Variants in GEMIN5 observed in about 807,000 individuals in gnomAD.
The protein encoded by GEMIN5 is gem nuclear organelle associated protein 5.
Under a neutral mutation model 176.9 loss-of-function variants are expected in GEMIN5, and 124 were observed. The ratio of observed to expected loss-of-function variants is 0.70; its 90% CI spans 0.61 to 0.81. The LOEUF (loss-of-function observed/expected upper bound fraction) is 0.81, where lower values mean the gene tolerates loss of function less well. GEMIN5 is among the 40% of genes least tolerant of loss of function. GEMIN5 has a pLI of 0.00. For missense variants in GEMIN5, 1,843 were observed against 1,814.6 expected (o/e 1.02, Z -0.28); for synonymous variants, 673 against 665.2 (o/e 1.01, Z -0.18).
At chr5:154,893,760 T>C (rs1462233825) in intron 24 of GEMIN5, among the ~76,000 whole-genome samples, 1 of 152,212 alleles carries the variant, frequency 6.6e-6, no homozygotes, top group African/African-American at 2.4e-5. Context: ...CTTTGTTTTT[T>C]TGAGATGGAG....
At chr5:154,899,498 T>A (rs1763422649) in intron 21 of GEMIN5, among the ~76,000 whole-genome samples, 188 bp from the exon 22 acceptor site, 1 of 152,190 alleles carries the variant, frequency 6.6e-6, no homozygotes, top group South Asian at 2.1e-4. Context: ...TTCACTTAGA[T>A]CAGCAGTTCT....
chr5:154,889,492 G>T, intron 26 of GEMIN5, 75 bp from the exon 27 acceptor site: 1 of 755,606 alleles, frequency 1.3e-6, no homozygotes, highest in Non-Finnish European at 2.3e-6. Context: ...TTATTTTACT[G>T]TGGTAAAATG....
intron 7 of GEMIN5, 126 bp from the exon 8 acceptor site, chr5:154,926,200 T>C (rs1045646409): frequency 1.3e-5 from 8 of 618,312 alleles, no homozygotes; most frequent in Admixed American, 1.2e-4. Flanking sequence ...CCAGCAGGAA[T>C]TGAAGAAAGC....
chr5:154,895,085 GAAAGA>G (rs955470292), intron 24 of GEMIN5, among the ~76,000 whole-genome samples: 31 of 146,616 alleles, frequency 2.1e-4, no homozygotes, highest in African/African-American at 6.1e-4. Flanking sequence ...GCCTCAAAAA[GAAAGA>G]AAAGAAAAGG....
In GEMIN5 at chr5:154,911,844, G is replaced by A. The variant is rs1763706503; in HGVS notation, c.2050C>T (p.Arg684Ter). Residue 684 changes from arginine to a stop codon, truncating the protein, a stop_gained, in exon 15 of 28, where the codon CGA becomes TGA. Transcript: ENST00000285873. LOFTEE classifies it high-confidence loss of function. Reference sequence around the variant, plus strand: ...GGAGACCATGCCACACAAAGCAGTCGACCTCGATGTCCTCGGAAATTGCAC... The same window carrying A: ...GGAGACCATGCCACACAAAGCAGTCAACCTCGATGTCCTCGGAAATTGCAC... ...PLCNFRGHRG[R>*]LLCVAWSPLD... 4 of 1,613,806 alleles carry A rather than the reference G, an allele frequency of 2.5e-6. No individual in the cohort carries two copies. Among genetic ancestry groups the A allele is most frequent in the African/African-American group, 1.3e-5 (1 of 74,906 alleles).
At chr5:154,901,624 A>G (rs1177044404) in intron 20 of GEMIN5, 138 bp from the exon 21 acceptor site, 2 of 666,178 alleles carry the variant, frequency 3.0e-6, no homozygotes, top group Non-Finnish European at 2.6e-6. Flanking sequence ...AGCTGCCATT[A>G]TGGATCATCT....
chr5:154,904,185 G>A (rs1408737736), intron 18 of GEMIN5, among the ~76,000 whole-genome samples: 2 of 152,114 alleles, frequency 1.3e-5, no homozygotes, highest in Admixed American at 6.5e-5. Flanking sequence ...GGGGAAAAGA[G>A]TTGAAGGAGT....
intron 16 of GEMIN5, among the ~76,000 whole-genome samples, chr5:154,906,386 A>C (rs1487015875): frequency 6.6e-6 from 1 of 152,162 alleles, no homozygotes; most frequent in Non-Finnish European, 1.5e-5. Context: ...TCAGGTGACA[A>C]AGCACTTTTT....
intron 11 of GEMIN5, among the ~76,000 whole-genome samples, chr5:154,919,395 A>G (rs2113493756): frequency 6.6e-6 from 1 of 152,364 alleles, no homozygotes; most frequent in South Asian, 2.1e-4. Context: ...TTAAAAAGAC[A>G]GTTCTGGCAC....
intron 20 of GEMIN5, among the ~76,000 whole-genome samples, chr5:154,901,799 T>C (rs1371526165): frequency 6.8e-6 from 1 of 146,206 alleles, no homozygotes; most frequent in Non-Finnish European, 1.5e-5. Flanking sequence ...TTTTTTTCCC[T>C]TTCCTTTTAT....
chr5:154,916,889 A>G (rs1368090677), intron 13 of GEMIN5, 109 bp downstream of exon 13: 2 of 555,878 alleles, frequency 3.6e-6, no homozygotes, highest in Admixed American at 3.2e-5. Flanking sequence ...AGTAAGAATA[A>G]TACTTATTTT....
At chr5:154,900,954 A>G (rs1763449116) in intron 21 of GEMIN5, among the ~76,000 whole-genome samples, 1 of 152,218 alleles carries the variant, frequency 6.6e-6, no homozygotes, top group South Asian at 2.1e-4. Context: ...TCAAGCTGAT[A>G]CACAACTTTA....
At position 154,921,395 on chromosome 5, in the gene GEMIN5, CTT is replaced by C; in HGVS notation, c.1408_1409del (p.Lys470GlufsTer41). On this transcript the variant is annotated frameshift_variant, in exon 10 of 28. Transcript: ENST00000285873. LOFTEE classifies it high-confidence loss of function. ...CCCAGGCTAAAGTATATACAGTCTT[CTT>C]ATGATATGTGCTAGAAATCTGTGGA... ...KPPQISSTYH[K>X]KTVYTLAWGP... The C allele has an allele frequency of 6.7e-7, 1 of 1,483,366 alleles. No homozygotes were observed. Among genetic ancestry groups the C allele is most frequent in the Non-Finnish European group, 9.3e-7 (1 of 1,080,760 alleles). 91.9% of individuals were successfully genotyped at this position (1,483,366 alleles called of 1,614,324 possible).
At chr5:154,935,784 T>C in intron 3 of GEMIN5, 57 bp downstream of exon 3, 8 of 1,261,926 alleles carry the variant, frequency 6.3e-6, no homozygotes, top group Non-Finnish European at 9.1e-6. Context: ...GTAAAGAAAA[T>C]GCAAAACACG....
Position 154,926,187 on chromosome 5 carries a change from C to T in GEMIN5, c.1081-113G>A, listed in dbSNP as rs914261647. 3 of 633,536 alleles carry T rather than the reference C, an allele frequency of 4.7e-6. No individual in the cohort carries two copies. The African/African-American group carries it at 5.5e-5, about 12-fold the overall frequency. 39.2% of individuals were successfully genotyped at this position (633,536 alleles called of 1,614,324 possible). On this transcript the variant is annotated intron_variant, in intron 7 of 27. Transcript: ENST00000285873. ...AAGACTGGGTAAGGATAATGCATGT[C>T]TTCCAGCAGGAATTGAAGAAAGCAC...
chr5:154,929,928 C>T (rs1051572619), intron 5 of GEMIN5, among the ~76,000 whole-genome samples: 10 of 152,154 alleles, frequency 6.6e-5, no homozygotes, highest in Non-Finnish European at 1.3e-4. Flanking sequence ...AATAGTAAAA[C>T]ATGGAAGCAA....
At position 154,935,933 on chromosome 5, in the gene GEMIN5, A is replaced by C. The variant is rs1764259397; in HGVS notation, c.417T>G (p.Phe139Leu). ...DEKGVVFCYWFNRNDSQHLFI... is the reference protein window; with the variant it reads ...DEKGVVFCYWLNRNDSQHLFI... ...AGAGGTGCTGGCTGTCATTTCTGTT[A>C]AACCAGTAACAGAAAACTACTCCTT... is the stretch of plus-strand genomic sequence containing the variant. The change falls in exon 3 of 28, where the codon TTT (phenylalanine) becomes TTG (leucine). Residue 139 changes from phenylalanine to leucine, a missense_variant. By Grantham distance (22) the Phe-to-Leu change is conservative. Coordinates refer to ENST00000285873, the MANE Select transcript of GEMIN5 (RefSeq NM_015465.5). 6.2e-7 allele frequency: 1 copy of C among 1,612,410 alleles called. No individual in the cohort carries two copies.
chr5:154,922,389 G>A (rs536556261), intron 9 of GEMIN5, among the ~76,000 whole-genome samples: 74 of 152,048 alleles, frequency 4.9e-4, no homozygotes, highest in Non-Finnish European at 8.8e-4. Flanking sequence ...GGATGGTCTC[G>A]ATCTCCTGAC....
At chr5:154,899,139 C>T in intron 22 of GEMIN5, 52 bp downstream of exon 22, 1 of 1,545,984 alleles carries the variant, frequency 6.5e-7, no homozygotes, top group Non-Finnish European at 8.7e-7. Flanking sequence ...TCCTCCCCTT[C>T]CTGGCAGAAG....
Sources: gnomAD v4.1 joint callset for allele counts (sites outside exome capture counted in the v4.1 genomes callset) on GRCh38, gnomAD v4.1.1 for gene constraint, MANE v1.5 for transcripts, NCBI Gene and HGNC (gene_info 2026-07-23, HGNC 2026-07-21) for gene names.